RESF1: variants seen among roughly 807,000 people sequenced by gnomAD.
The protein encoded by RESF1 is gonad expressed transcript.
A neutral mutation model predicts 134.7 loss-of-function variants in RESF1; 65 were observed. That is an observed-to-expected ratio of 0.48 (90% CI 0.40 to 0.59). The LOEUF (loss-of-function observed/expected upper bound fraction) is 0.59, where lower values mean the gene tolerates loss of function less well. RESF1 is among the 20% of genes least tolerant of loss of function. The probability of loss-of-function intolerance (pLI) is 0.00; values close to 1 mark genes in which losing one functional copy is unlikely to be tolerated. For synonymous variants in RESF1, 762 were observed against 702.2 expected (o/e 1.09, Z -1.35); for missense variants, 2,274 against 2,002.7 (o/e 1.14, Z -2.59).
At chr12:31,965,120 G>A (rs1939369193) in intron 2 of RESF1, among the ~76,000 whole-genome samples, 2 of 152,010 alleles carry the variant, frequency 1.3e-5, no homozygotes, top group African/African-American at 2.4e-5. Flanking sequence ...CCACACCGCG[G>A]TAATTTTTGT....
Position 31,992,420 on chromosome 12 carries a change from A to T in RESF1, c.5129A>T (p.Asp1710Val). The change falls in exon 6 of 6, where the codon GAT becomes GTT. Residue 1710 changes from aspartate to valine, a missense_variant. Physicochemically the swap from Asp to Val is radical, Grantham distance 152. Coordinates refer to ENST00000312561, the MANE Select transcript of RESF1 (RefSeq NM_018169.4). ...CTCTCGAAGAGAAGCTTCAGTGCAG[A>T]TGGATTTGAGATGCTACAAAACCCA... is the stretch of plus-strand genomic sequence containing the variant. Reference protein sequence around the residue: ...SRLSKRSFSADGFEMLQNPVK... With the variant: ...SRLSKRSFSAVGFEMLQNPVK... 9.3e-6 allele frequency: 15 copies of T among 1,613,852 alleles called. No individual in the cohort carries two copies. The highest frequency in any genetic ancestry group is 1.3e-5 in the Non-Finnish European group (15 of 1,179,820).
chr12:31,985,122 A>G lies in RESF1; in HGVS notation c.4167A>G (p.Lys1389=). 6.5e-7 allele frequency: 1 copy of G among 1,548,924 alleles called. No individual in the cohort carries two copies. Among genetic ancestry groups the G allele is most frequent in the Non-Finnish European group, 8.6e-7 (1 of 1,156,094 alleles). Residue 1389 remains lysine, a synonymous_variant, in exon 4 of 6, where the codon AAA becomes AAG. Coordinates refer to ENST00000312561, the MANE Select transcript of RESF1 (RefSeq NM_018169.4). ...QGNVLDMEVK[K]KKHDKQEQKG... Reference sequence around the variant, plus strand: ...ACGTATTAGATATGGAAGTAAAGAAAAAGAAACATGATAAACAAGAACAGA... The same window carrying G: ...ACGTATTAGATATGGAAGTAAAGAAGAAGAAACATGATAAACAAGAACAGA...
In RESF1 at chr12:31,983,871, G is replaced by C; in HGVS notation, c.2916G>C (p.Gln972His). The C allele has an allele frequency of 2.5e-6, 4 of 1,613,646 alleles. No homozygotes were observed. Among genetic ancestry groups the C allele is most frequent in the Non-Finnish European group, 3.4e-6 (4 of 1,180,008 alleles). The change falls in exon 4 of 6, where the codon CAG becomes CAC. Residue 972 changes from glutamine to histidine, a missense_variant. Coordinates refer to ENST00000312561, the MANE Select transcript of RESF1 (RefSeq NM_018169.4). ...CTDVSHKICD[Q>H]SKSEPPLESS... The stretch of plus-strand genomic sequence containing the variant: ...ATGTTTCACATAAAATATGTGATCA[G>C]TCAAAGTCAGAGCCACCCTTAGAGT...
rs1939842576 is a variant in RESF1, at chr12:31,982,930, G to A, written c.1975G>A (p.Gly659Arg). 1.2e-6 allele frequency: 2 copies of A among 1,614,034 alleles called. No individual in the cohort carries two copies. The highest frequency in any genetic ancestry group is 1.7e-6 in the Non-Finnish European group (2 of 1,179,996). Residue 659 changes from glycine to arginine, a missense_variant, in exon 4 of 6, where the codon GGA (glycine) becomes AGA (arginine). Gly to Arg is a moderately radical substitution (Grantham distance 125). Transcript: ENST00000312561. ...FCSGQESSTK[G>R]MPAKSDSSCS... ...CAGTGGACAAGAATCCTCAACAAAAGGAATGCCTGCTAAAAGTGACAGTAG... is the reference window on the plus strand; with the variant it reads ...CAGTGGACAAGAATCCTCAACAAAAAGAATGCCTGCTAAAAGTGACAGTAG...
rs1209421719 is a variant in RESF1, at chr12:31,981,262, C to G, written c.307C>G (p.Gln103Glu). ...ITYANVNGPK[Q>E]LTHNLQMSSG... ...ATATGCAAATGTTAATGGACCCAAA[C>G]AACTAACTCACAATTTGCAGATGTC... Residue 103 changes from glutamine to glutamate, a missense_variant, in exon 4 of 6, where the codon CAA becomes GAA. Coordinates refer to ENST00000312561, the MANE Select transcript of RESF1 (RefSeq NM_018169.4). 1.2e-6 allele frequency: 2 copies of G among 1,614,108 alleles called. No homozygotes were observed. The highest frequency in any genetic ancestry group is 1.1e-5 in the South Asian group (1 of 91,072).
chr12:31,983,363 A>G lies in RESF1; in HGVS notation c.2408A>G (p.Gln803Arg), dbSNP rs1465288435. The stretch of plus-strand genomic sequence containing the variant: ...GGCAGTGTTTGTAGTTTACAAAATC[A>G]ATTGGCAGAAAATGCAAAGGCAACT... The part of the protein sequence containing the change: ...KEGSVCSLQN[Q>R]LAENAKATAA... The change falls in exon 4 of 6, where the codon CAA (glutamine) becomes CGA (arginine). Residue 803 changes from glutamine to arginine, a missense_variant. Coordinates refer to ENST00000312561, the MANE Select transcript of RESF1 (RefSeq NM_018169.4). 6.2e-7 allele frequency: 1 copy of G among 1,614,064 alleles called. No homozygotes were observed. The highest frequency in any genetic ancestry group is 2.2e-5 in the East Asian group (1 of 44,880).
rs748787933 is a variant in RESF1, at chr12:31,983,744, A to G, written c.2789A>G (p.Asn930Ser). 19 of 1,613,716 alleles carry G rather than the reference A, an allele frequency of 1.2e-5. No homozygotes were observed. The highest frequency in any genetic ancestry group is 1.5e-5 in the Non-Finnish European group (18 of 1,180,002). The stretch of plus-strand genomic sequence containing the variant: ...GAGCCACAGAAACCTTCTCTACCCA[A>G]TCAGCAAGGGATTGGCAGCAGAGAA... ...MVEPQKPSLP[N>S]QQGIGSREPE... Residue 930 changes from asparagine (N) to serine (S), a missense_variant, in exon 4 of 6, where the codon AAT becomes AGT. Physicochemically the swap from Asn to Ser is conservative, Grantham distance 46 (BLOSUM62 1). Coordinates refer to ENST00000312561, the MANE Select transcript of RESF1 (RefSeq NM_018169.4).
At chr12:31,987,420 C>G (rs1336755577) in intron 5 of RESF1, 98 bp downstream of exon 5, 2 of 686,576 alleles carry the variant, frequency 2.9e-6, no homozygotes, top group Non-Finnish European at 4.8e-6. Context: ...ATGATTTTAT[C>G]CATGTTCTTT....
In RESF1 at chr12:31,982,951, A is replaced by G. The variant is rs1477654786; in HGVS notation, c.1996A>G (p.Ser666Gly). 1 of 1,614,020 alleles carries G rather than the reference A, an allele frequency of 6.2e-7. No individual in the cohort carries two copies. The highest frequency in any genetic ancestry group is 8.5e-7 in the Non-Finnish European group (1 of 1,180,024). ...STKGMPAKSDSSCSMEVLATC... is the reference protein window; with the variant it reads ...STKGMPAKSDGSCSMEVLATC... Reference sequence around the variant, plus strand: ...AAAAGGAATGCCTGCTAAAAGTGACAGTAGCTGTTCCATGGAAGTGCTAGC... The same window carrying G: ...AAAAGGAATGCCTGCTAAAAGTGACGGTAGCTGTTCCATGGAAGTGCTAGC... Residue 666 changes from serine to glycine, a missense_variant, in exon 4 of 6, where the codon AGT becomes GGT. By Grantham distance (56) the Ser-to-Gly change is moderately conservative (BLOSUM62 0). Transcript: ENST00000312561.
Position 31,981,870 on chromosome 12 carries a change from T to A in RESF1, c.915T>A (p.Val305=), listed in dbSNP as rs749090892. ...QHITKHLSME[V]PQSREMLSSE... The stretch of plus-strand genomic sequence containing the variant: ...TTACTAAACACTTGTCTATGGAAGT[T>A]CCTCAGAGTCGAGAAATGCTGTCAT... Residue 305 remains valine, a synonymous_variant, in exon 4 of 6, where the codon GTT becomes GTA. Transcript: ENST00000312561. The A allele has an allele frequency of 6.2e-7, 1 of 1,614,118 alleles. No homozygotes were observed. Among genetic ancestry groups the A allele is most frequent in the Non-Finnish European group, 8.5e-7 (1 of 1,180,024 alleles).
chr12:31,968,383 A>G (rs1939442095), intron 2 of RESF1, among the ~76,000 whole-genome samples: 1 of 152,128 alleles, frequency 6.6e-6, no homozygotes, highest in Admixed American at 6.6e-5. Context: ...TGTGGTTGGC[A>G]TAGATAGAAA....
intron 2 of RESF1, among the ~76,000 whole-genome samples, chr12:31,964,266 GT>G (rs34357090): frequency 6.6e-6 from 1 of 150,476 alleles, no homozygotes; most frequent in African/African-American, 2.4e-5. Flanking sequence ...CCAATTAGTT[GT>G]TTTTTTTTCA....
chr12:31,974,365 G>A (rs912976781), intron 3 of RESF1, among the ~76,000 whole-genome samples: 4 of 152,026 alleles, frequency 2.6e-5, no homozygotes, highest in African/African-American at 7.2e-5. Context: ...ATTTCTTATC[G>A]TGGGCTACTA....
intron 2 of RESF1, among the ~76,000 whole-genome samples, chr12:31,963,856 A>C (rs938146942): frequency 7.9e-5 from 12 of 152,180 alleles, no homozygotes; most frequent in Non-Finnish European, 1.8e-4. Flanking sequence ...ATGTTAACAC[A>C]TGTATGTTAC....
At chr12:31,962,661 A>C (rs949939474) in intron 2 of RESF1, 1 of 152,244 alleles carries the variant, frequency 6.6e-6, no homozygotes, top group Non-Finnish European at 1.5e-5. Context: ...ACAAGGTTTC[A>C]TTTGTAAATA....
At chr12:31,967,951 A>AG (rs577167509) in intron 2 of RESF1, among the ~76,000 whole-genome samples, 196 of 152,228 alleles carry the variant, frequency 1.3e-3, no homozygotes, top group Non-Finnish European at 2.3e-3. Flanking sequence ...AAGGACTGAT[A>AG]GGCTAATTTT....
chr12:31,967,814 G>A (rs930754509), intron 2 of RESF1, among the ~76,000 whole-genome samples: 6 of 152,096 alleles, frequency 3.9e-5, no homozygotes, highest in African/African-American at 1.2e-4. Context: ...AAAATTCAAA[G>A]TACAATTTCT....
In RESF1 at chr12:31,985,057, T is replaced by G. The variant is rs1237369080; in HGVS notation, c.4102T>G (p.Ser1368Ala). Residue 1368 changes from serine (S) to alanine (A), a missense_variant, in exon 4 of 6, where the codon TCA (serine) becomes GCA (alanine). Physicochemically the swap from Ser to Ala is moderately conservative, Grantham distance 99 (BLOSUM62 1). Transcript: ENST00000312561. ...SPEKIKLKLK[S>A]VSFKQKRKLD... The stretch of plus-strand genomic sequence containing the variant: ...AGAAAAGATAAAATTGAAACTCAAA[T>G]CAGTTAGCTTCAAACAAAAACGAAA... The G allele has an allele frequency of 1.3e-6, 2 of 1,578,632 alleles. No homozygotes were observed. The highest frequency in any genetic ancestry group is 4.5e-5 in the East Asian group (2 of 44,620).
intron 3 of RESF1, among the ~76,000 whole-genome samples, chr12:31,975,276 A>G (rs1298703432): frequency 6.6e-6 from 1 of 152,140 alleles, no homozygotes; most frequent in Non-Finnish European, 1.5e-5. Flanking sequence ...AAAAAAAAGA[A>G]AAAGAAAACT....
Sources: gnomAD v4.1 joint callset for allele counts (sites outside exome capture counted in the v4.1 genomes callset) on GRCh38, gnomAD v4.1.1 for gene constraint, MANE v1.5 for transcripts, NCBI Gene and HGNC (gene_info 2026-07-23, HGNC 2026-07-21) for gene names.